The following NINJ2 variants were observed in gnomAD, a reference collection of about 807,000 sequenced individuals.
The protein encoded by NINJ2 is ninjurin 2, also known as ninjurin-2.
Under a neutral mutation model 11.7 loss-of-function variants are expected in NINJ2, and 12 were observed. The observed-to-expected ratio is 1.02, with a 90% CI of 0.66 to 1.66. The LOEUF is 1.66. Among genes scored for constraint, NINJ2 ranks in the 40% most tolerant of loss-of-function variants. The pLI, the probability that NINJ2 is intolerant of heterozygous loss-of-function variation, is 0.00. For missense variants in NINJ2, 187 were observed against 181.8 expected (o/e 1.03, Z -0.16); for synonymous variants, 93 against 76.8 (o/e 1.21, Z -1.10).
rs551312599 is a variant in NINJ2, at chr12:595,009, T to C, written c.34-28831A>G. On this transcript the variant is annotated intron_variant, in intron 1 of 3. Coordinates refer to ENST00000305108, the MANE Select transcript of NINJ2 (RefSeq NM_016533.6). Reference sequence around the variant, plus strand: ...ACAAGTAGATCAATGGAACAGAATATAGAGTCCAGAAATAGACCCACATAA... The same window carrying C: ...ACAAGTAGATCAATGGAACAGAATACAGAGTCCAGAAATAGACCCACATAA... Among the ~76,000 whole-genome samples the C allele has an allele frequency of 3.9e-5, 6 of 152,308 alleles. No homozygotes were observed. The South Asian group carries it at 1.2e-3, about 32-fold the overall frequency.
intron 1 of NINJ2, among the ~76,000 whole-genome samples, chr12:606,419 G>C (rs991894307): frequency 6.6e-6 from 1 of 152,122 alleles, no homozygotes; most frequent in African/African-American, 2.4e-5. Flanking sequence ...GCTGAACAAA[G>C]AAAAGAGAAA....
intron 1 of NINJ2, among the ~76,000 whole-genome samples, chr12:655,565 A>G (rs542995357): frequency 5.7e-4 from 87 of 152,358 alleles, no homozygotes; most frequent in African/African-American, 2.0e-3. Flanking sequence ...CAAAATATGT[A>G]CAATATCTAT....
intron 1 of NINJ2, among the ~76,000 whole-genome samples, chr12:587,721 C>T (rs1353368755): frequency 6.6e-6 from 1 of 152,194 alleles, no homozygotes; most frequent in African/African-American, 2.4e-5. Context: ...GGACCCTGCG[C>T]CTCACAGGCA....
Position 565,460 on chromosome 12 carries a change from C to T in NINJ2, c.263-59G>A. On this transcript the variant is annotated intron_variant, in intron 2 of 3. Transcript: ENST00000305108. ...AGACGGGGCCACAGCACGGAGCTGCCCCCACAACACCCACCAGAGTTTGGA... is the reference window on the plus strand; with the variant it reads ...AGACGGGGCCACAGCACGGAGCTGCTCCCACAACACCCACCAGAGTTTGGA... The T allele has an allele frequency of 2.0e-6, 3 of 1,528,074 alleles. 1 individual carries two copies. Among genetic ancestry groups the T allele is most frequent in the South Asian group, 2.3e-5 (2 of 85,368 alleles). The allele number at this position is 1,528,074 out of a possible 1,614,324, so 94.7% of individuals were successfully genotyped here.
chr12:622,409 CA>C (rs1169331783), intron 1 of NINJ2, among the ~76,000 whole-genome samples: 179 of 47,406 alleles, frequency 3.8e-3, no homozygotes, highest in South Asian at 0.036. Context: ...GACTCCGTCT[CA>C]AAAAAAAAAA....
intron 1 of NINJ2, among the ~76,000 whole-genome samples, chr12:612,423 G>A (rs544047367): frequency 1.4e-4 from 21 of 152,240 alleles, no homozygotes; most frequent in Admixed American, 1.3e-4. Flanking sequence ...CTCAGGCTGG[G>A]TAGAGTAGGG....
At chr12:611,261 CTTTCTT>C (rs1948028633) in intron 1 of NINJ2, among the ~76,000 whole-genome samples, 1 of 38,714 alleles carries the variant, frequency 2.6e-5, no homozygotes, top group Admixed American at 2.1e-4. Flanking sequence ...CTCTCTCTTT[CTTTCTT>C]TCTTTCTCTC....
rs1475880666 is a variant in NINJ2, at chr12:596,147, C to T, written c.34-29969G>A. Among the ~76,000 whole-genome samples the T allele has an allele frequency of 2.6e-5, 4 of 152,184 alleles. No homozygotes were observed. The South Asian group carries it at 6.2e-4, about 24-fold the overall frequency. On this transcript the variant is annotated intron_variant, in intron 1 of 3. Coordinates refer to ENST00000305108, the MANE Select transcript of NINJ2 (RefSeq NM_016533.6). ...ACTCTTCCATACGATCCAGCAACCA[C>T]GCTCCTTGGGATTTTCCCAAAAGAA...
In NINJ2 at chr12:658,903, A is replaced by G. The variant is rs185899199; in HGVS notation, c.33+4425T>C. On this transcript the variant is annotated intron_variant, in intron 1 of 3. Transcript: ENST00000305108. ...AACAATGTACCATTTTGGTGGAGGA[A>G]GTTGATAATGGGGAGTCTATGCATG... Among the ~76,000 whole-genome samples the G allele has an allele frequency of 1.7e-3, 259 of 151,952 alleles. 1 individual carries two copies. Among genetic ancestry groups the G allele is most frequent in the Admixed American group, 5.9e-3 (90 of 15,230 alleles).
At chr12:599,155 A>G (rs10849313) in intron 1 of NINJ2, among the ~76,000 whole-genome samples, 111,104 of 151,192 alleles carry the variant, frequency 0.73, 41,025 homozygotes, top group Non-Finnish European at 0.78. Flanking sequence ...GCCGAGGCGG[A>G]TGGATCACCT....
intron 1 of NINJ2, among the ~76,000 whole-genome samples, chr12:600,344 G>A (rs564439003): frequency 6.6e-6 from 1 of 152,260 alleles, no homozygotes; most frequent in East Asian, 1.9e-4. Context: ...CCTGAGCTCA[G>A]GAGTTAGAGA....
intron 1 of NINJ2, among the ~76,000 whole-genome samples, chr12:600,653 GGTGTGT>G (rs58255968): frequency 0.038 from 5,382 of 141,948 alleles, 215 homozygotes; most frequent in African/African-American, 0.11. Flanking sequence ...ATTTTTTTGG[GGTGTGT>G]GTGTGTGTGT....
intron 1 of NINJ2, among the ~76,000 whole-genome samples, chr12:583,240 C>T (rs566964899): frequency 2.0e-5 from 3 of 150,996 alleles, no homozygotes; most frequent in Non-Finnish European, 3.0e-5. Flanking sequence ...AATGAATGGG[C>T]GCAGGCAGGC....
At chr12:617,936 G>A (rs990439114) in intron 1 of NINJ2, among the ~76,000 whole-genome samples, 2 of 152,172 alleles carry the variant, frequency 1.3e-5, no homozygotes, top group African/African-American at 2.4e-5. Flanking sequence ...TTGGTGCCCA[G>A]GTAAAATTTT....
intron 1 of NINJ2, among the ~76,000 whole-genome samples, chr12:626,387 T>A (rs1173912750): frequency 6.6e-6 from 1 of 152,258 alleles, no homozygotes; most frequent in African/African-American, 2.4e-5. Context: ...ATTTAGGCGC[T>A]GGACTCCTGG....
At chr12:648,674 G>A (rs114978958) in intron 1 of NINJ2, among the ~76,000 whole-genome samples, 161 of 152,294 alleles carry the variant, frequency 1.1e-3, no homozygotes, top group African/African-American at 3.7e-3. Context: ...ACTCCCATCA[G>A]AGTTGGACTT....
intron 1 of NINJ2, among the ~76,000 whole-genome samples, chr12:617,716 G>C (rs1241583546): frequency 6.6e-6 from 1 of 152,196 alleles, no homozygotes. Context: ...TCACTCCCCA[G>C]GACGTTCTGG....
intron 1 of NINJ2, among the ~76,000 whole-genome samples, chr12:624,910 A>G (rs1045721419): frequency 3.0e-4 from 45 of 151,948 alleles, no homozygotes; most frequent in African/African-American, 1.0e-3. Context: ...GGAGTTCGAG[A>G]CCAGCCTGGC....
At chr12:625,744 T>G (rs865886030) in intron 1 of NINJ2, among the ~76,000 whole-genome samples, 13 of 152,204 alleles carry the variant, frequency 8.5e-5, no homozygotes, top group Non-Finnish European at 1.5e-4. Flanking sequence ...GTGGAATAAT[T>G]ATATCCAGAT....
Sources: gnomAD v4.1 joint callset for allele counts (sites outside exome capture counted in the v4.1 genomes callset) on GRCh38, gnomAD v4.1.1 for gene constraint, MANE v1.5 for transcripts, NCBI Gene and HGNC (gene_info 2026-07-23, HGNC 2026-07-21) for gene names.